Variants in ZNF611 observed in about 807,000 individuals in gnomAD.
ZNF611 encodes the protein zinc finger protein 611.
Under a neutral mutation model 8.9 loss-of-function variants are expected in ZNF611, and 6 were observed. That is an observed-to-expected ratio of 0.68 (90% CI 0.37 to 1.34). ZNF611 has a LOEUF of 1.34. ZNF611 is among the 40% of genes most tolerant of loss of function. ZNF611 has a pLI of 0.02. For missense variants in ZNF611, 874 were observed against 841.3 expected (o/e 1.04, Z -0.48); for synonymous variants, 262 against 279.7 (o/e 0.94, Z 0.63).
At position 52,706,775 on chromosome 19, in the gene ZNF611, C is replaced by A; in HGVS notation, c.280G>T (p.Glu94Ter). The change falls in exon 6 of 6, where the codon GAA (glutamate) becomes TAA (stop). Residue 94 changes from glutamate (E) to a stop codon, truncating the protein, a stop_gained. Coordinates refer to ENST00000652185, the MANE Select transcript of ZNF611 (RefSeq NM_001161499.2). LOFTEE classifies it low-confidence loss of function (END_TRUNC). ...CAAAAATCTCCAATGTGATGACTTTCATGTCTTTGCAATGTCCCTGTGTGG... is the reference window on the plus strand; with the variant it reads ...CAAAAATCTCCAATGTGATGACTTTAATGTCTTTGCAATGTCCCTGTGTGG... ...VIHTGTLQRH[E>*]SHHIGDFCFQ... The A allele has an allele frequency of 6.2e-7, 1 of 1,614,120 alleles. No homozygotes were observed. The highest frequency in any genetic ancestry group is 8.5e-7 in the Non-Finnish European group (1 of 1,179,998).
intron 3 of ZNF611, chr19:52,717,840 T>C (rs1362441064): frequency 8.0e-6 from 2 of 249,910 alleles, no homozygotes; most frequent in Non-Finnish European, 1.3e-5. Context: ...AAAAAGGTCC[T>C]TGATATCTTT....
intron 5 of ZNF611, 132 bp downstream of exon 5, chr19:52,713,883 C>T: frequency 2.0e-6 from 3 of 1,526,086 alleles, no homozygotes; most frequent in Non-Finnish European, 2.6e-6. Context: ...AGGAGCGAAA[C>T]ACCATCTCAA....
At chr19:52,731,925 C>G (rs1292855357) in intron 1 of ZNF611, among the ~76,000 whole-genome samples, 1 of 151,632 alleles carries the variant, frequency 6.6e-6, no homozygotes, top group Non-Finnish European at 1.5e-5. Flanking sequence ...GAGCTGAGAT[C>G]ATGCCATCGC....
At chr19:52,717,286 G>A (rs368845524) in intron 3 of ZNF611, among the ~76,000 whole-genome samples, 2 of 152,150 alleles carry the variant, frequency 1.3e-5, no homozygotes, top group African/African-American at 4.8e-5. Context: ...AGATTTTCTG[G>A]TTTTACAGTG....
intron 1 of ZNF611, among the ~76,000 whole-genome samples, chr19:52,730,299 G>C (rs1202955477): frequency 6.7e-6 from 1 of 148,824 alleles, no homozygotes; most frequent in Admixed American, 6.8e-5. Context: ...GGCTGAGGCA[G>C]GAGAATGGCA....
intron 3 of ZNF611, among the ~76,000 whole-genome samples, chr19:52,719,633 T>A (rs1408993220): frequency 6.6e-6 from 1 of 152,222 alleles, no homozygotes; most frequent in Non-Finnish European, 1.5e-5. Context: ...TCCCCCTTCA[T>A]CTTCATTACT....
chr19:52,703,194 A>ATAAC lies in ZNF611; in HGVS notation c.*1742_*1743insGTTA, dbSNP rs1555794281. ...GCAAAATAAATAAATAAATAAATAA[A>ATAAC]AAATAAAGAGAGAAATGAAGAGGAA... On this transcript the variant is annotated 3_prime_UTR_variant, in exon 6 of 6. Coordinates refer to ENST00000652185, the MANE Select transcript of ZNF611 (RefSeq NM_001161499.2). 1 of 151,764 alleles carries ATAAC rather than the reference A, an allele frequency of 6.6e-6. No homozygotes were observed. Among genetic ancestry groups the ATAAC allele is most frequent in the Non-Finnish European group, 1.5e-5 (1 of 67,866 alleles). The allele number at this position is 151,764 out of a possible 1,614,324, so 9.4% of individuals were successfully genotyped here.
intron 3 of ZNF611, among the ~76,000 whole-genome samples, chr19:52,728,186 G>A (rs572802526): frequency 1.5e-3 from 233 of 152,092 alleles, no homozygotes; most frequent in African/African-American, 5.2e-3. Flanking sequence ...GATTACAGGC[G>A]TGAGCCACTG....
rs188233449 is a variant in ZNF611 at position 52,713,867 on chromosome 19, G to A, written c.190+148C>T. ...GATCATACCATTGCACTCCAGCCTC[G>A]GCAATAGGAGCGAAACACCATCTCA... On this transcript the variant is annotated intron_variant, in intron 5 of 5. Transcript: ENST00000652185. 4.5e-5 allele frequency: 66 copies of A among 1,470,614 alleles called. No individual in the cohort carries two copies. In the African/African-American group the frequency reaches 5.2e-4, roughly 12 times the overall value. 91.1% of individuals were successfully genotyped at this position (1,470,614 alleles called of 1,614,324 possible).
intron 5 of ZNF611, 111 bp from the exon 6 acceptor site, chr19:52,706,975 C>A: frequency 1.3e-6 from 2 of 1,483,926 alleles, no homozygotes; most frequent in South Asian, 1.4e-5. Context: ...TCCCAAACAT[C>A]ATCTTCAAAG....
chr19:52,725,546 A>T lies in ZNF611; in HGVS notation c.-20+3184T>A, dbSNP rs1299397086. On this transcript the variant is annotated intron_variant, in intron 3 of 5. Coordinates refer to ENST00000652185, the MANE Select transcript of ZNF611 (RefSeq NM_001161499.2). ...AAGACCGGGGACGGGACCAGCCTCC[A>T]AGCGACTTCAAACCCAAAAGGAAGC... Among the ~76,000 whole-genome samples the T allele has an allele frequency of 3.3e-5, 5 of 152,280 alleles. 1 individual carries two copies. Among genetic ancestry groups the T allele is most frequent in the Non-Finnish European group, 4.4e-5 (3 of 68,018 alleles).
intron 3 of ZNF611, among the ~76,000 whole-genome samples, chr19:52,726,551 TG>T (rs2062394617): frequency 6.6e-6 from 1 of 151,992 alleles, no homozygotes; most frequent in Non-Finnish European, 1.5e-5. Flanking sequence ...GTTGAGTAAC[TG>T]GGACTACAGG....
chr19:52,717,857 T>A (rs1004038014), intron 3 of ZNF611, among the ~76,000 whole-genome samples: 1 of 152,160 alleles, frequency 6.6e-6, no homozygotes, highest in Non-Finnish European at 1.5e-5. Flanking sequence ...CTTTATCAAG[T>A]ACACACTGAA....
chr19:52,722,141 C>T (rs1352213326), intron 3 of ZNF611, among the ~76,000 whole-genome samples: 1 of 151,882 alleles, frequency 6.6e-6, no homozygotes, highest in African/African-American at 2.4e-5. Context: ...ACAGGAGGAA[C>T]CTTTGAGCCC....
chr19:52,727,501 C>G (rs944549139), intron 3 of ZNF611, among the ~76,000 whole-genome samples: 3 of 152,192 alleles, frequency 2.0e-5, no homozygotes, highest in Admixed American at 2.0e-4. Flanking sequence ...AGGTGACCAT[C>G]TCTGTCAGCT....
intron 4 of ZNF611, among the ~76,000 whole-genome samples, chr19:52,714,655 T>A (rs2547949): frequency 0.66 from 77,740 of 118,292 alleles, 26,369 homozygotes; most frequent in African/African-American, 0.81. Context: ...ACCACTGCCC[T>A]CCATCCTGGG....
chr19:52,719,052 C>A (rs536056559), intron 3 of ZNF611, among the ~76,000 whole-genome samples: 2 of 152,158 alleles, frequency 1.3e-5, no homozygotes, highest in South Asian at 4.1e-4. Context: ...TGCCTATAAT[C>A]CCAGCTGCTT....
chr19:52,706,960 G>A (rs2062250245), intron 5 of ZNF611, 96 bp from the exon 6 acceptor site: 2 of 1,506,500 alleles, frequency 1.3e-6, no homozygotes, highest in Non-Finnish European at 1.8e-6. Context: ...TACTTATTTT[G>A]AACTTCCCAA....
intron 1 of ZNF611, among the ~76,000 whole-genome samples, chr19:52,734,308 C>G (rs559142775): frequency 7.9e-5 from 12 of 151,722 alleles, no homozygotes; most frequent in Middle Eastern, 3.4e-3. Flanking sequence ...TTCTACTGCT[C>G]TCTGTCTCCT....
Sources: gnomAD v4.1 joint callset for allele counts (sites outside exome capture counted in the v4.1 genomes callset) on GRCh38, gnomAD v4.1.1 for gene constraint, MANE v1.5 for transcripts, NCBI Gene and HGNC (gene_info 2026-07-23, HGNC 2026-07-21) for gene names.